GALNT13: variants seen among roughly 807,000 people sequenced by gnomAD.
The protein encoded by GALNT13 is UDP-GalNAc:polypeptide N-acetylgalactosaminyltransferase 13.
GALNT13 carries 28 observed loss-of-function variants against 64.2 expected under a neutral mutation model. The ratio of observed to expected loss-of-function variants is 0.44; its 90% confidence interval spans 0.32 to 0.60. GALNT13 has a LOEUF of 0.60. GALNT13 is among the 20% of genes least tolerant of loss of function. GALNT13 has a pLI of 0.05. For missense variants in GALNT13, 577 were observed against 669.8 expected (o/e 0.86, Z 1.53); for synonymous variants, 214 against 224.6 (o/e 0.95, Z 0.42).
chr2:154,254,517 A>C (rs149621816), intron 7 of GALNT13, among the ~76,000 whole-genome samples: 254 of 152,308 alleles, frequency 1.7e-3, no homozygotes, highest in African/African-American at 5.9e-3. Context: ...AGAGGACCCC[A>C]TTATTAGCAA....
chr2:153,195,321 C>A, the GALNT13 span, among the ~76,000 whole-genome samples: 1 of 152,164 alleles, frequency 6.6e-6, no homozygotes, highest in Non-Finnish European at 1.5e-5. Flanking sequence ...GTGCTCAGCT[C>A]ACCCTACCAG....
intron 1 of GALNT13, among the ~76,000 whole-genome samples, chr2:153,878,808 G>A (rs993368659): frequency 1.3e-4 from 20 of 152,154 alleles, no homozygotes; most frequent in African/African-American, 4.6e-4. Flanking sequence ...TAAAACTGGT[G>A]GTTGGTTTTA....
At chr2:153,910,842 T>C (rs192102922) in intron 2 of GALNT13, among the ~76,000 whole-genome samples, 1 of 152,296 alleles carries the variant, frequency 6.6e-6, no homozygotes, top group Admixed American at 6.5e-5. Context: ...TTATGTCCTA[T>C]TGTGTGGTTG....
the GALNT13 span, among the ~76,000 whole-genome samples, chr2:153,254,702 A>G: frequency 6.6e-6 from 1 of 151,988 alleles, no homozygotes; most frequent in Non-Finnish European, 1.5e-5. Context: ...GAACATCTTT[A>G]TTTCTGCCTT....
the GALNT13 span, among the ~76,000 whole-genome samples, chr2:153,597,229 G>A: frequency 1.3e-5 from 2 of 151,932 alleles, no homozygotes; most frequent in Non-Finnish European, 2.9e-5. Flanking sequence ...ATTTCAGTAC[G>A]GTCACAGCAG....
the GALNT13 span, among the ~76,000 whole-genome samples, chr2:153,343,568 A>G: frequency 6.6e-6 from 1 of 152,142 alleles, no homozygotes; most frequent in East Asian, 1.9e-4. Context: ...AAAGTAAAAA[A>G]TACTTAGAAT....
At chr2:153,550,195 T>C in the GALNT13 span, among the ~76,000 whole-genome samples, 11 of 152,138 alleles carry the variant, frequency 7.2e-5, no homozygotes, top group African/African-American at 2.7e-4. Flanking sequence ...CCATACATAT[T>C]TGCATGTTGA....
At chr2:153,995,492 T>C (rs1455279451) in intron 3 of GALNT13, among the ~76,000 whole-genome samples, 1 of 152,192 alleles carries the variant, frequency 6.6e-6, no homozygotes, top group East Asian at 1.9e-4. Context: ...AGTTATTTCA[T>C]AACTATCATT....
At chr2:153,599,371 ATC>A in the GALNT13 span, among the ~76,000 whole-genome samples, 1 of 152,006 alleles carries the variant, frequency 6.6e-6, no homozygotes, top group Non-Finnish European at 1.5e-5. Flanking sequence ...CCATTAATCA[ATC>A]TCTCTTCATC....
intron 8 of GALNT13, among the ~76,000 whole-genome samples, chr2:154,260,135 C>T (rs1489529644): frequency 1.3e-5 from 2 of 152,030 alleles, no homozygotes; most frequent in African/African-American, 2.4e-5. Flanking sequence ...ATCCACCCCC[C>T]TCTGCCTCCC....
At chr2:153,186,444 C>T in the GALNT13 span, among the ~76,000 whole-genome samples, 2 of 152,128 alleles carry the variant, frequency 1.3e-5, no homozygotes, top group African/African-American at 4.8e-5. Flanking sequence ...GGGCATTTAG[C>T]TCATGCTTAT....
At chr2:154,356,938 T>C (rs1051907916) in intron 9 of GALNT13, among the ~76,000 whole-genome samples, 6 of 152,050 alleles carry the variant, frequency 3.9e-5, no homozygotes, top group African/African-American at 1.4e-4. Flanking sequence ...AGCTTTTGGT[T>C]GTCTTATATG....
At chr2:153,933,477 C>T (rs1290578698) in intron 2 of GALNT13, among the ~76,000 whole-genome samples, 1 of 152,074 alleles carries the variant, frequency 6.6e-6, no homozygotes, top group East Asian at 1.9e-4. Context: ...AGATGGTTCT[C>T]CTGAAGTCAG....
intron 4 of GALNT13, among the ~76,000 whole-genome samples, chr2:154,146,914 G>A (rs1683638619): frequency 1.3e-5 from 2 of 151,866 alleles, no homozygotes; most frequent in South Asian, 4.1e-4. Context: ...CTACTTGTTT[G>A]GGTCTTCACT....
intron 11 of GALNT13, among the ~76,000 whole-genome samples, chr2:154,417,505 A>ATTTTTTTTTTTTT (rs979460063): frequency 1.5e-5 from 2 of 136,456 alleles, no homozygotes; most frequent in East Asian, 2.3e-4. Context: ...TTATTTATTT[A>ATTTTTTTTTTTTT]TTTATTTATT....
intron 3 of GALNT13, among the ~76,000 whole-genome samples, chr2:154,130,754 T>G (rs563102191): frequency 6.6e-6 from 1 of 152,312 alleles, no homozygotes; most frequent in African/African-American, 2.4e-5. Flanking sequence ...ACTCTTTTCT[T>G]TATGACAAAA....
the GALNT13 span, among the ~76,000 whole-genome samples, chr2:153,425,635 G>C: frequency 6.6e-6 from 1 of 151,734 alleles, no homozygotes; most frequent in African/African-American, 2.4e-5. Flanking sequence ...AAGTCTATGA[G>C]AAAATGATAT....
At chr2:154,062,152 A>G (rs1455787279) in intron 3 of GALNT13, among the ~76,000 whole-genome samples, 1 of 152,120 alleles carries the variant, frequency 6.6e-6, no homozygotes, top group East Asian at 1.9e-4. Flanking sequence ...GGTATCTTCA[A>G]ACTCTAATAG....
At chr2:153,674,671 A>G in the GALNT13 span, among the ~76,000 whole-genome samples, 1 of 152,230 alleles carries the variant, frequency 6.6e-6, no homozygotes, top group Non-Finnish European at 1.5e-5. Flanking sequence ...CACAAAAAGC[A>G]ATGGCAACAA....
Sources: allele counts gnomAD v4.1 joint callset (sites outside exome capture counted in the v4.1 genomes callset), GRCh38; gene constraint gnomAD v4.1.1; transcripts MANE v1.5; gene names NCBI Gene and HGNC (gene_info 2026-07-23, HGNC 2026-07-21).